CNTNAP2: variants seen among roughly 807,000 people sequenced by gnomAD.
CNTNAP2 encodes contactin associated protein 2, also known as contactin-associated protein-like 2.
CNTNAP2 carries 98 observed loss-of-function variants against 155.2 expected under a neutral mutation model. That is an observed-to-expected ratio of 0.63 (90% confidence interval 0.54 to 0.75). The LOEUF (loss-of-function observed/expected upper bound fraction) is 0.75. CNTNAP2 is among the 30% of genes least tolerant of loss of function. CNTNAP2 has a pLI of 0.00. For missense variants in CNTNAP2, 1,727 were observed against 1,688.1 expected (o/e 1.02, Z -0.40); for synonymous variants, 651 against 631.2 (o/e 1.03, Z -0.47).
chr7:146,661,769 T>C (rs527739173), intron 1 of CNTNAP2, among the ~76,000 whole-genome samples: 6 of 150,990 alleles, frequency 4.0e-5, no homozygotes, highest in Admixed American at 6.6e-5. Flanking sequence ...TAAGCTTCCA[T>C]GTACAGATCA....
chr7:146,619,118 C>G (rs1434095608), intron 1 of CNTNAP2, among the ~76,000 whole-genome samples: 2 of 151,058 alleles, frequency 1.3e-5, no homozygotes, highest in African/African-American at 4.9e-5. Context: ...AAAAAAGTCA[C>G]TTTAAAAAAT....
chr7:147,920,129 C>T lies in CNTNAP2; in HGVS notation c.2255+16408C>T, dbSNP rs983026553. Reference sequence around the variant, plus strand: ...ATCCCAGCACTTTGGGAGGCCGAGGCGGGCAGATCACCAGGTCAGGGGTTA... The same window carrying T: ...ATCCCAGCACTTTGGGAGGCCGAGGTGGGCAGATCACCAGGTCAGGGGTTA... On this transcript the variant is annotated intron_variant, in intron 14 of 23. Transcript: ENST00000361727. 9.9e-5 allele frequency among the ~76,000 whole-genome samples: 15 copies of T among 151,490 alleles called. No individual in the cohort carries two copies. The South Asian group carries it at 1.3e-3, about 13-fold the overall frequency.
intron 1 of CNTNAP2, among the ~76,000 whole-genome samples, chr7:146,442,945 G>A (rs1300895226): frequency 1.3e-5 from 2 of 152,010 alleles, no homozygotes; most frequent in Admixed American, 6.5e-5. Context: ...GGTGGCTGAC[G>A]CCTGCAATCC....
intron 12 of CNTNAP2, among the ~76,000 whole-genome samples, chr7:147,563,733 C>G (rs1331575057): frequency 6.6e-6 from 1 of 152,112 alleles, no homozygotes; most frequent in Non-Finnish European, 1.5e-5. Context: ...AGTTCAGAAC[C>G]ACTTATAGAG....
chr7:147,307,075 C>T (rs868291948), intron 9 of CNTNAP2, among the ~76,000 whole-genome samples: 16 of 152,176 alleles, frequency 1.1e-4, no homozygotes, highest in African/African-American at 3.9e-4. Flanking sequence ...CGATGGGCAT[C>T]TACTAAACAG....
intron 11 of CNTNAP2, among the ~76,000 whole-genome samples, chr7:147,510,871 A>ATATATATATATATATATATATATATATAT (rs1799006293): frequency 3.5e-5 from 5 of 141,944 alleles, no homozygotes; most frequent in Admixed American, 7.0e-5. Flanking sequence ...ATATATATAT[A>ATATATATATATATATATATATATATATAT]ATGCTTCCTC....
At chr7:146,772,747 TA>T (rs1317823235) in intron 1 of CNTNAP2, among the ~76,000 whole-genome samples, 1 of 151,946 alleles carries the variant, frequency 6.6e-6, no homozygotes, top group Non-Finnish European at 1.5e-5. Context: ...GGGAAAGAGA[TA>T]AGACTAGTGT....
intron 4 of CNTNAP2, among the ~76,000 whole-genome samples, chr7:147,048,747 C>A (rs1263585534): frequency 6.6e-6 from 1 of 152,130 alleles, no homozygotes; most frequent in African/African-American, 2.4e-5. Context: ...AATGTGACTA[C>A]TGGCTACCAT....
intron 13 of CNTNAP2, among the ~76,000 whole-genome samples, chr7:147,899,773 T>C (rs1271985934): frequency 6.6e-6 from 1 of 151,932 alleles, no homozygotes; most frequent in Non-Finnish European, 1.5e-5. Context: ...TAATCCCAGC[T>C]ACTTGGGAGG....
chr7:147,328,953 T>C (rs140424505), intron 9 of CNTNAP2, among the ~76,000 whole-genome samples: 8 of 152,260 alleles, frequency 5.3e-5, no homozygotes, highest in African/African-American at 1.9e-4. Flanking sequence ...TATGCATTTG[T>C]AACCTCAAAT....
intron 8 of CNTNAP2, among the ~76,000 whole-genome samples, chr7:147,259,152 A>G (rs1301856834): frequency 2.0e-4 from 31 of 152,210 alleles, no homozygotes. Flanking sequence ...TCTCTAGTTT[A>G]TCAGGTACCT....
Position 146,116,827 on chromosome 7 carries a change from C to A in CNTNAP2, c.-50C>A. 7.0e-7 allele frequency: 1 copy of A among 1,430,882 alleles called. No homozygotes were observed. The highest frequency in any genetic ancestry group is 9.5e-7 in the Non-Finnish European group (1 of 1,048,720). 88.6% of individuals were successfully genotyped at this position (1,430,882 alleles called of 1,614,324 possible). On this transcript the variant is annotated 5_prime_UTR_variant, in exon 1 of 24. It adds an upstream start codon to the 5' untranslated region. Coordinates refer to ENST00000361727, the MANE Select transcript of CNTNAP2 (RefSeq NM_014141.6). The surrounding 1 kb of genome is among the most constrained non-coding windows in gnomAD (Gnocchi z 5.5). ...TTCAAGAACCCTACGGAGAGTCGGACTGCATCTCCGCAGCGAGCTCTTGGA... is the reference window on the plus strand; with the variant it reads ...TTCAAGAACCCTACGGAGAGTCGGAATGCATCTCCGCAGCGAGCTCTTGGA...
Position 146,600,559 on chromosome 7 carries a change from G to C in CNTNAP2, c.98-173712G>C, listed in dbSNP as rs549067492. Among the ~76,000 whole-genome samples the C allele has an allele frequency of 2.0e-5, 3 of 152,088 alleles. No individual in the cohort carries two copies. The South Asian group carries it at 6.2e-4, about 32-fold the overall frequency. ...GTTACTGGTCCTAAAATATCTGTTTGTAATGTTTTGATTATACTTGTGCTT... is the reference window on the plus strand; with the variant it reads ...GTTACTGGTCCTAAAATATCTGTTTCTAATGTTTTGATTATACTTGTGCTT... On this transcript the variant is annotated intron_variant, in intron 1 of 23. Coordinates refer to ENST00000361727, the MANE Select transcript of CNTNAP2 (RefSeq NM_014141.6).
chr7:148,345,350 ATTTG>A lies in CNTNAP2; in HGVS notation c.3476-38279_3476-38276del, dbSNP rs151233205. ...AGCGCTGTCACTAGATTCTATTTTT[ATTTG>A]TTTGTTTGTTTGTTTGTTTATTTTT... is the stretch of plus-strand genomic sequence containing the variant. On this transcript the variant is annotated intron_variant, in intron 21 of 23. Coordinates refer to ENST00000361727, the MANE Select transcript of CNTNAP2 (RefSeq NM_014141.6). Among the ~76,000 whole-genome samples, 1,104 of 151,114 alleles carry A rather than the reference ATTTG, an allele frequency of 7.3e-3. 16 individuals carry two copies. Among genetic ancestry groups the A allele is most frequent in the African/African-American group, 0.025 (1,030 of 41,122 alleles).
At chr7:147,740,784 T>G (rs745544123) in intron 13 of CNTNAP2, among the ~76,000 whole-genome samples, 1 of 152,170 alleles carries the variant, frequency 6.6e-6, no homozygotes, top group Non-Finnish European at 1.5e-5. Context: ...AGGATTTGAT[T>G]TGTGTGCAAG....
chr7:146,153,455 A>G (rs1798080549), intron 1 of CNTNAP2, among the ~76,000 whole-genome samples: 1 of 152,144 alleles, frequency 6.6e-6, no homozygotes, highest in South Asian at 2.1e-4. Context: ...TAGTAGTCAA[A>G]CTGTAACAAA....
intron 13 of CNTNAP2, among the ~76,000 whole-genome samples, chr7:147,848,496 T>C (rs1225139153): frequency 6.6e-6 from 1 of 150,786 alleles, no homozygotes; most frequent in Non-Finnish European, 1.5e-5. Context: ...GCCCACTGTC[T>C]GGCACTCCCT....
intron 6 of CNTNAP2, chr7:147,122,997 A>C (rs926501971): frequency 4.6e-5 from 7 of 152,162 alleles, no homozygotes; most frequent in African/African-American, 1.2e-4. Flanking sequence ...TTTTTGCAAT[A>C]TGAATATACG....
chr7:147,928,226 C>T (rs1017250881), intron 14 of CNTNAP2, among the ~76,000 whole-genome samples: 1 of 151,954 alleles, frequency 6.6e-6, no homozygotes. Context: ...TATAAATTAC[C>T]CAGTCTCGGG....
Sources: allele counts gnomAD v4.1 joint callset (sites outside exome capture counted in the v4.1 genomes callset), GRCh38; gene constraint gnomAD v4.1.1; non-coding constraint Gnocchi (gnomAD v3.1); transcripts MANE v1.5; gene names NCBI Gene and HGNC (gene_info 2026-07-23, HGNC 2026-07-21).